USP53: variants seen among roughly 807,000 people sequenced by gnomAD.
USP53 encodes ubiquitin specific peptidase 53.
Under a neutral mutation model 94.9 loss-of-function variants are expected in USP53, and 71 were observed. That is an observed-to-expected ratio of 0.75 (90% CI 0.62 to 0.91). The LOEUF (loss-of-function observed/expected upper bound fraction) is 0.91. USP53 is among the 40% of genes least tolerant of loss of function. The pLI is 0.00. For synonymous variants in USP53, 375 were observed against 422.7 expected (o/e 0.89, Z 1.39); for missense variants, 1,173 against 1,281.0 (o/e 0.92, Z 1.29).
At chr4:119,222,505 ATTAT>A (rs1260810648) in intron 3 of USP53, among the ~76,000 whole-genome samples, 4 of 151,910 alleles carry the variant, frequency 2.6e-5, no homozygotes, top group African/African-American at 9.7e-5. Context: ...TATCCATGAG[ATTAT>A]TTATTTATTT....
chr4:119,213,660 A>ATATATATGTGTGTGTGTG, intron 1 of USP53, among the ~76,000 whole-genome samples: 1 of 117,788 alleles, frequency 8.5e-6, no homozygotes, highest in African/African-American at 3.6e-5. Context: ...ATATATATAT[A>ATATATATGTGTGTGTGTG]TGTGTGTGTG....
rs1752163502 is a variant in USP53, at chr4:119,273,657, A to G, written c.2200A>G (p.Asn734Asp). The change falls in exon 17 of 19, where the codon AAT becomes GAT. Residue 734 changes from asparagine (N) to aspartate (D), a missense_variant. Transcript: ENST00000692078. ...TGACCAGATTACGACAAGCAACCTAAATAAAGAACGTGGGGACTGTACCTC... is the reference window on the plus strand; with the variant it reads ...TGACCAGATTACGACAAGCAACCTAGATAAAGAACGTGGGGACTGTACCTC... ...FSDQITTSNL[N>D]KERGDCTSLQ... is the part of the protein sequence containing the mutation. 2 of 1,613,200 alleles carry G rather than the reference A, an allele frequency of 1.2e-6. No individual in the cohort carries two copies. The highest frequency in any genetic ancestry group is 2.7e-5 in the African/African-American group (2 of 74,882).
In USP53 at chr4:119,293,249, T is replaced by C. The variant is rs777005536; in HGVS notation, c.*38T>C. The C allele has an allele frequency of 6.5e-7, 1 of 1,527,922 alleles. No homozygotes were observed. 94.6% of individuals were successfully genotyped at this position (1,527,922 alleles called of 1,614,324 possible). On this transcript the variant is annotated 3_prime_UTR_variant, in exon 19 of 19. Coordinates refer to ENST00000692078, the MANE Select transcript of USP53 (RefSeq NM_001371395.1). ...CTAGACCTGTGTTACATAATAATCT[T>C]GGTTCAAGCTGCCCTTCTGAACAAA...
Position 119,271,781 on chromosome 4 carries a change from A to T in USP53, c.1921A>T (p.Ile641Leu), listed in dbSNP as rs369983415. 2 of 1,612,982 alleles carry T rather than the reference A, an allele frequency of 1.2e-6. No homozygotes were observed. Among genetic ancestry groups the T allele is most frequent in the African/African-American group, 2.7e-5 (2 of 74,802 alleles). The change falls in exon 16 of 19, where the codon ATA (isoleucine) becomes TTA (leucine). Residue 641 changes from isoleucine to leucine, a missense_variant. Transcript: ENST00000692078. ...ENPKQKGLMT[I>L]YEDEMKQEIG... Reference sequence around the variant, plus strand: ...TCCAAAGCAAAAAGGTTTAATGACCATATATGAAGATGAAATGAAGCAGGA... The same window carrying T: ...TCCAAAGCAAAAAGGTTTAATGACCTTATATGAAGATGAAATGAAGCAGGA...
intron 7 of USP53, among the ~76,000 whole-genome samples, chr4:119,253,973 A>G (rs1212373319): frequency 1.3e-5 from 2 of 152,176 alleles, no homozygotes; most frequent in Admixed American, 1.3e-4. Context: ...TCCTTCACTT[A>G]GGAAGCTTAG....
At chr4:119,283,728 A>G (rs1753772755) in intron 17 of USP53, among the ~76,000 whole-genome samples, 1 of 151,942 alleles carries the variant, frequency 6.6e-6, no homozygotes. Flanking sequence ...TGGGGAATAT[A>G]GGAAGAAGGA....
At chr4:119,213,641 G>GATATATTAGATATATATATAT (rs1553961986) in intron 1 of USP53, among the ~76,000 whole-genome samples, 6 of 108,108 alleles carry the variant, frequency 5.6e-5, no homozygotes, top group African/African-American at 1.7e-4. Context: ...TCTGGAAATA[G>GATATATTAGATATATATATAT]ATATATATAT....
intron 5 of USP53, 64 bp downstream of exon 5, chr4:119,239,967 T>A (rs1301874891): frequency 7.8e-7 from 1 of 1,279,352 alleles, no homozygotes; most frequent in Non-Finnish European, 1.0e-6. Flanking sequence ...TGTTTAATGC[T>A]TCTTTAGCTC....
At chr4:119,254,919 T>A (rs1749547945) in intron 7 of USP53, among the ~76,000 whole-genome samples, 1 of 152,236 alleles carries the variant, frequency 6.6e-6, no homozygotes, top group Non-Finnish European at 1.5e-5. Flanking sequence ...GTGGATGTCC[T>A]TTTTGTTGAT....
Position 119,292,245 on chromosome 4 carries a change from G to A in USP53, c.2349-93G>A, listed in dbSNP as rs1411186830. ...TAAAAATAATATAAACTGTATTTTG[G>A]GAAAATCAAACTACAAAACAAATGT... On this transcript the variant is annotated intron_variant, in intron 18 of 18. Transcript: ENST00000692078. The A allele has an allele frequency of 9.1e-6, 12 of 1,324,432 alleles. No homozygotes were observed. The African/African-American group carries it at 1.7e-4, about 18-fold the overall frequency. The allele number at this position is 1,324,432 out of a possible 1,614,324, so 82.0% of individuals were successfully genotyped here. A position where few individuals can be genotyped will look rare whatever the true frequency, so the allele number is the denominator to read the frequency against.
At chr4:119,240,874 A>T (rs1747436613) in intron 5 of USP53, among the ~76,000 whole-genome samples, 1 of 152,186 alleles carries the variant, frequency 6.6e-6, no homozygotes. Flanking sequence ...ACTTTAGGAC[A>T]CTTAAATGCT....
At position 119,289,016 on chromosome 4, in the gene USP53, C is replaced by A. The variant is rs78883557; in HGVS notation, c.2252-2149C>A. Among the ~76,000 whole-genome samples the A allele has an allele frequency of 9.1e-3, 1,374 of 150,616 alleles. 7 individuals carry two copies. Among genetic ancestry groups the A allele is most frequent in the Non-Finnish European group, 0.014 (950 of 67,768 alleles). ...AAGTGTTGATACATTTCACTAATAT[C>A]TTTCTAAAAACTATTTTTGTTACTA... On this transcript the variant is annotated intron_variant, in intron 17 of 18. Transcript: ENST00000692078.
Position 119,239,640 on chromosome 4 carries a change from C to A in USP53, c.-120C>A. On this transcript the variant is annotated 5_prime_UTR_variant, in exon 5 of 19. An upstream open reading frame in the 5' UTR gains an earlier in-frame stop. Transcript: ENST00000692078. Reference sequence around the variant, plus strand: ...GGAAAGATATGGACTTGGAAACTTACATTATTAAAATAGACTGCAGTGGAT... The same window carrying A: ...GGAAAGATATGGACTTGGAAACTTAAATTATTAAAATAGACTGCAGTGGAT... 2 of 1,192,312 alleles carry A rather than the reference C, an allele frequency of 1.7e-6. No individual in the cohort carries two copies. Among genetic ancestry groups the A allele is most frequent in the Non-Finnish European group, 2.3e-6 (2 of 875,920 alleles). 73.9% of individuals were successfully genotyped at this position (1,192,312 alleles called of 1,614,324 possible).
At chr4:119,244,612 T>C (rs1463553056) in intron 5 of USP53, among the ~76,000 whole-genome samples, 1 of 152,234 alleles carries the variant, frequency 6.6e-6, no homozygotes, top group Non-Finnish European at 1.5e-5. Context: ...ACACAAGTAC[T>C]ATTCTTATCC....
At chr4:119,291,358 A>G (rs1342046083) in intron 18 of USP53, 97 bp downstream of exon 18, 3 of 694,480 alleles carry the variant, frequency 4.3e-6, no homozygotes, top group Admixed American at 3.4e-5. Context: ...CAATGGGTCT[A>G]TAGTATTGAG....
At chr4:119,246,628 G>A (rs753193500) in intron 6 of USP53, among the ~76,000 whole-genome samples, 8 of 152,214 alleles carry the variant, frequency 5.3e-5, no homozygotes, top group Non-Finnish European at 8.8e-5. Context: ...AGATTGTGTA[G>A]GGCCTTATAG....
chr4:119,262,677 G>T (rs1484596424), intron 12 of USP53, among the ~76,000 whole-genome samples: 1 of 152,142 alleles, frequency 6.6e-6, no homozygotes, highest in Non-Finnish European at 1.5e-5. Context: ...TTGCTGTCTT[G>T]GGTGACAGAG....
chr4:119,250,653 T>C (rs1343990721), intron 7 of USP53, among the ~76,000 whole-genome samples: 1 of 152,234 alleles, frequency 6.6e-6, no homozygotes, highest in Non-Finnish European at 1.5e-5. Context: ...AAGTCTAGGC[T>C]TAAATTATTA....
intron 12 of USP53, among the ~76,000 whole-genome samples, chr4:119,262,810 C>A (rs73844724): frequency 5.7e-4 from 86 of 152,194 alleles, no homozygotes; most frequent in African/African-American, 2.0e-3. Context: ...AATAGTAGTT[C>A]TTAATAAGGA....
Sources: gnomAD v4.1 joint callset for allele counts (sites outside exome capture counted in the v4.1 genomes callset) on GRCh38, gnomAD v4.1.1 for gene constraint, MANE v1.5 for transcripts, NCBI Gene and HGNC (gene_info 2026-07-23, HGNC 2026-07-21) for gene names.